PRKG1: variants seen among roughly 807,000 people sequenced by gnomAD.
The protein encoded by PRKG1 is protein kinase cGMP-dependent 1, also known as cGMP-dependent protein kinase 1.
In PRKG1, 35 loss-of-function variants were observed where a neutral mutation model predicts 88.1. That is an observed-to-expected ratio of 0.40 (90% confidence interval 0.30 to 0.53). The LOEUF (loss-of-function observed/expected upper bound fraction) is 0.53, where lower values mean the gene tolerates loss of function less well. PRKG1 is among the 20% of genes least tolerant of loss of function. The pLI, the probability that PRKG1 is intolerant of heterozygous loss-of-function variation, is 0.59. For synonymous variants in PRKG1, 303 were observed against 292.5 expected, an observed-to-expected ratio of 1.04 and a Z score of -0.37; for missense variants, 540 against 839.8, an observed-to-expected ratio of 0.64 and a Z score of 4.41.
intron 3 of PRKG1, among the ~76,000 whole-genome samples, chr10:51,584,472 C>T (rs1838122505): frequency 6.6e-6 from 1 of 151,932 alleles, no homozygotes; most frequent in Non-Finnish European, 1.5e-5. Context: ...TAGGAAAATT[C>T]TCAGGGTAGT....
chr10:51,947,710 C>T (rs1300955922), intron 5 of PRKG1, among the ~76,000 whole-genome samples: 2 of 152,066 alleles, frequency 1.3e-5, no homozygotes, highest in South Asian at 2.1e-4. Flanking sequence ...GTTGAAGTTG[C>T]AAGAAAGAAG....
At chr10:52,128,582 A>C in intron 7 of PRKG1, 1 of 984,862 alleles carries the variant, frequency 1.0e-6, no homozygotes. Flanking sequence ...ATTTTGGGAT[A>C]TTTTTCATGC....
intron 1 of PRKG1, among the ~76,000 whole-genome samples, chr10:51,032,015 G>A (rs895697455): frequency 3.3e-5 from 5 of 150,972 alleles, no homozygotes; most frequent in African/African-American, 1.2e-4. Flanking sequence ...GCTCTGTATA[G>A]GAAAAACATT....
At chr10:52,251,505 G>A (rs1297665725) in intron 9 of PRKG1, 65 bp from the exon 10 acceptor site, 22 of 1,188,658 alleles carry the variant, frequency 1.9e-5, no homozygotes, top group Non-Finnish European at 2.5e-5. Flanking sequence ...TTCTGGTACA[G>A]ATGTACGTGG....
In PRKG1 at chr10:51,454,803, C is replaced by T. The variant is rs2132781230; in HGVS notation, c.479-12920C>T. On this transcript the variant is annotated intron_variant, in intron 2 of 17. Coordinates refer to ENST00000373980, the MANE Select transcript of PRKG1 (RefSeq NM_006258.4). ...CAGTTATCTCCCACTGGGTCCCTCA[C>T]ATAACATGTGGGAATTATGGGAGCT... Among the ~76,000 whole-genome samples the T allele has an allele frequency of 2.0e-5, 3 of 152,286 alleles. No individual in the cohort carries two copies. The South Asian group carries it at 6.2e-4, about 32-fold the overall frequency.
intron 17 of PRKG1, among the ~76,000 whole-genome samples, chr10:52,292,752 G>C (rs1342817389): frequency 1.3e-5 from 2 of 151,984 alleles, no homozygotes; most frequent in East Asian, 1.9e-4. Context: ...GTATTGATGG[G>C]ACATATCTCA....
intron 3 of PRKG1, among the ~76,000 whole-genome samples, chr10:51,594,236 C>T (rs921638394): frequency 1.3e-5 from 2 of 152,012 alleles, no homozygotes; most frequent in Non-Finnish European, 2.9e-5. Context: ...GTATATTGCT[C>T]AGGCTGATCT....
chr10:51,490,813 T>C (rs868680677), intron 3 of PRKG1, among the ~76,000 whole-genome samples: 4 of 152,144 alleles, frequency 2.6e-5, no homozygotes, highest in Middle Eastern at 3.2e-3. Context: ...TCTATCTAGA[T>C]GGAAGCATAA....
chr10:52,041,238 A>G (rs534872743), intron 5 of PRKG1, among the ~76,000 whole-genome samples: 1 of 152,290 alleles, frequency 6.6e-6, no homozygotes, highest in East Asian at 1.9e-4. Flanking sequence ...AAATGATCAC[A>G]TGGTTTTTAT....
chr10:51,743,988 A>G (rs1051069326), intron 3 of PRKG1, among the ~76,000 whole-genome samples: 1 of 151,482 alleles, frequency 6.6e-6, no homozygotes, highest in Admixed American at 6.6e-5. Context: ...GTACTTTTAT[A>G]ATTGTAGCTT....
chr10:51,457,012 A>G (rs1588976618), intron 2 of PRKG1, among the ~76,000 whole-genome samples: 2 of 152,202 alleles, frequency 1.3e-5, no homozygotes, highest in South Asian at 2.1e-4. Context: ...TATAACCCCT[A>G]TGGAAAACAG....
intron 5 of PRKG1, among the ~76,000 whole-genome samples, chr10:51,948,617 A>G (rs1284024119): frequency 1.3e-5 from 2 of 151,998 alleles, no homozygotes; most frequent in African/African-American, 4.8e-5. Flanking sequence ...TGTTATATTT[A>G]AATTCAGTCT....
chr10:51,948,802 A>G (rs2339900), intron 5 of PRKG1, among the ~76,000 whole-genome samples: 57 of 152,278 alleles, frequency 3.7e-4, no homozygotes, highest in Admixed American at 2.7e-3. Flanking sequence ...AGATTCATAT[A>G]TCTCTTGGCC....
chr10:51,030,649 G>T (rs1369214760), intron 1 of PRKG1, among the ~76,000 whole-genome samples: 1 of 152,156 alleles, frequency 6.6e-6, no homozygotes, highest in Non-Finnish European at 1.5e-5. Context: ...GGTCATGGGA[G>T]GGGATCCTTC....
intron 4 of PRKG1, among the ~76,000 whole-genome samples, chr10:51,873,173 A>C: frequency 6.6e-6 from 1 of 152,280 alleles, no homozygotes; most frequent in East Asian, 1.9e-4. Flanking sequence ...AATATCATTC[A>C]AACTTAACTT....
At chr10:51,175,009 A>G (rs1306537063) in intron 2 of PRKG1, among the ~76,000 whole-genome samples, 5 of 152,122 alleles carry the variant, frequency 3.3e-5, no homozygotes, top group African/African-American at 4.8e-5. Flanking sequence ...TCAATGAAAG[A>G]CAATGTAAAA....
chr10:51,122,231 A>G (rs1470438411), intron 1 of PRKG1, among the ~76,000 whole-genome samples: 1 of 152,182 alleles, frequency 6.6e-6, no homozygotes, highest in Non-Finnish European at 1.5e-5. Flanking sequence ...ACCATCCCAC[A>G]TGTGTAGCAA....
intron 3 of PRKG1, among the ~76,000 whole-genome samples, chr10:51,550,810 C>G (rs1006526183): frequency 1.3e-5 from 2 of 151,828 alleles, no homozygotes; most frequent in Non-Finnish European, 2.9e-5. Flanking sequence ...ACTATGGTTT[C>G]AAACATGAAA....
chr10:51,194,824 A>G (rs1202192727), intron 2 of PRKG1, among the ~76,000 whole-genome samples: 1 of 152,168 alleles, frequency 6.6e-6, no homozygotes, highest in East Asian at 1.9e-4. Flanking sequence ...ATGGTGGAAG[A>G]GCAAAGAAAG....
Sources: gnomAD v4.1 joint callset for allele counts (sites outside exome capture counted in the v4.1 genomes callset) on GRCh38, gnomAD v4.1.1 for gene constraint, MANE v1.5 for transcripts, NCBI Gene and HGNC (gene_info 2026-07-23, HGNC 2026-07-21) for gene names.